NPFFR1: variants seen among roughly 807,000 people sequenced by gnomAD.
NPFFR1 encodes G-protein coupled receptor 147.
A neutral mutation model predicts 12.7 loss-of-function variants in NPFFR1; 17 were observed. That is an observed-to-expected ratio of 1.34 (90% CI 0.92 to 2.01). NPFFR1 has a LOEUF of 2.01. Ranked by LOEUF, NPFFR1 falls within the 30% of genes most tolerant of loss-of-function variation. NPFFR1 has a pLI of 0.00. For synonymous variants in NPFFR1, 296 were observed against 264.5 expected (o/e 1.12, Z -1.16); for missense variants, 604 against 606.5 (o/e 1.00, Z 0.04).
In NPFFR1 at chr10:70,255,613, G is replaced by A; in HGVS notation, c.637C>T (p.Arg213Cys). The change falls in exon 4 of 4, where the codon CGC (arginine) becomes TGC (cysteine). Residue 213 changes from arginine to cysteine, a missense_variant. Coordinates refer to ENST00000277942, the MANE Select transcript of NPFFR1 (RefSeq NM_022146.5). This position sits in a 1 kb window ranked among gnomAD's most constrained non-coding sequence, Gnocchi z 4.2. ...CWEAWPEKGM[R>C]RVYTTVLFSH... Reference sequence around the variant, plus strand: ...AAGAGCACAGTGGTGTAGACCCTGCGCATGCCCTTCTCGGGCCAGGCCTCC... The same window carrying A: ...AAGAGCACAGTGGTGTAGACCCTGCACATGCCCTTCTCGGGCCAGGCCTCC... The A allele has an allele frequency of 6.4e-7, 1 of 1,566,916 alleles. No homozygotes were observed. The highest frequency in any genetic ancestry group is 8.6e-7 in the Non-Finnish European group (1 of 1,156,134).
At chr10:70,277,706 AGCT>A (rs1304694628) in intron 1 of NPFFR1, among the ~76,000 whole-genome samples, 4 of 151,528 alleles carry the variant, frequency 2.6e-5, no homozygotes, top group African/African-American at 4.8e-5. Flanking sequence ...ATGGGTAGGC[AGCT>A]GTGGAGGCCC....
chr10:70,250,549 G>A lies in NPFFR1; in HGVS notation c.*4408C>T, dbSNP rs1449942767. The A allele has an allele frequency of 2.0e-5, 3 of 152,198 alleles. No individual in the cohort carries two copies. The East Asian group carries it at 5.8e-4, about 29-fold the overall frequency. 9.4% of individuals were successfully genotyped at this position (152,198 alleles called of 1,614,324 possible). A position where few individuals can be genotyped will look rare whatever the true frequency, so the allele number is the denominator to read the frequency against. ...CAAAATGTGATCTATTCATACAGTG[G>A]AATAGTACTCAGCAATCAAAAGGAA... On this transcript the variant is annotated 3_prime_UTR_variant, in exon 4 of 4. Coordinates refer to ENST00000277942, the MANE Select transcript of NPFFR1 (RefSeq NM_022146.5).
Position 70,266,327 on chromosome 10 carries a change from G to A in NPFFR1, c.72C>T (p.Ala24=), listed in dbSNP as rs760725397. 2 of 1,613,712 alleles carry A rather than the reference G, an allele frequency of 1.2e-6. No individual in the cohort carries two copies. Among genetic ancestry groups the A allele is most frequent in the South Asian group, 1.1e-5 (1 of 90,986 alleles). The change falls in exon 2 of 4, where the codon GCC becomes GCT. Residue 24 remains alanine, a synonymous_variant. Transcript: ENST00000277942. The stretch of plus-strand genomic sequence containing the variant: ...AGAAGGTGAGGTTTGTAGCCGGGGT[G>A]GCCTCAGTGTTAGTCCCATTCTGAC... ...PLSQNGTNTE[A]TPATNLTFSS...
At chr10:70,257,117 C>T (rs144976875) in intron 3 of NPFFR1, among the ~76,000 whole-genome samples, 1 of 152,110 alleles carries the variant, frequency 6.6e-6, no homozygotes, top group South Asian at 2.1e-4. Context: ...AAAAATTAAC[C>T]AGATGAGGGG....
At chr10:70,257,622 C>T (rs955938557) in intron 3 of NPFFR1, among the ~76,000 whole-genome samples, 2 of 152,180 alleles carry the variant, frequency 1.3e-5, no homozygotes, top group Admixed American at 6.5e-5. Context: ...ACCTGACCGT[C>T]CCCCAGCCCA....
chr10:70,259,543 A>C lies in NPFFR1; in HGVS notation c.422+1097T>G, dbSNP rs150573404. Among the ~76,000 whole-genome samples the C allele has an allele frequency of 5.5e-3, 834 of 152,246 alleles. 11 individuals are homozygous for C. The highest frequency in any genetic ancestry group is 0.019 in the African/African-American group (788 of 41,536). On this transcript the variant is annotated intron_variant, in intron 3 of 3. Transcript: ENST00000277942. ...CGATGAAGGGAAGGGACTTCTCCTG[A>C]TCACCCAGCTAGTTAGTGGCCTTGT... is the stretch of plus-strand genomic sequence containing the variant.
chr10:70,277,198 C>T (rs1348725754), intron 1 of NPFFR1, among the ~76,000 whole-genome samples: 2 of 152,232 alleles, frequency 1.3e-5, no homozygotes, highest in African/African-American at 4.8e-5. Context: ...CCATTCTTCC[C>T]TCCCAGTAAG....
At chr10:70,272,072 G>A (rs1589914715) in intron 1 of NPFFR1, among the ~76,000 whole-genome samples, 2 of 150,752 alleles carry the variant, frequency 1.3e-5, no homozygotes, top group Admixed American at 6.6e-5. Flanking sequence ...AGCTGAGATC[G>A]TGCCACCGCA....
intron 1 of NPFFR1, among the ~76,000 whole-genome samples, chr10:70,274,492 CTT>C (rs1381113972): frequency 4.6e-5 from 7 of 152,082 alleles, no homozygotes; most frequent in Admixed American, 2.6e-4. Context: ...GGCTGGGAAA[CTT>C]GGTTTGGAGG....
chr10:70,273,115 A>C (rs1413941782), intron 1 of NPFFR1, among the ~76,000 whole-genome samples: 1 of 152,092 alleles, frequency 6.6e-6, no homozygotes, highest in Non-Finnish European at 1.5e-5. Flanking sequence ...CTTGGCCCTG[A>C]CTCATATCAA....
rs1246250640 is a variant in NPFFR1, at chr10:70,250,305, G to A, written c.*4652C>T. The A allele has an allele frequency of 3.3e-5, 5 of 152,176 alleles. No homozygotes were observed. Among genetic ancestry groups the A allele is most frequent in the Non-Finnish European group, 5.9e-5 (4 of 68,038 alleles). 9.4% of individuals were successfully genotyped at this position (152,176 alleles called of 1,614,324 possible). ...CTGCTGATGGGAGTACAAAATGGTA[G>A]AGCGACTTTGGAAAGCACTTTGGCA... is the stretch of plus-strand genomic sequence containing the variant. On this transcript the variant is annotated 3_prime_UTR_variant, in exon 4 of 4. Coordinates refer to ENST00000277942, the MANE Select transcript of NPFFR1 (RefSeq NM_022146.5).
At chr10:70,261,397 G>T (rs990122339) in intron 2 of NPFFR1, among the ~76,000 whole-genome samples, 1 of 152,064 alleles carries the variant, frequency 6.6e-6, no homozygotes, top group Non-Finnish European at 1.5e-5. Flanking sequence ...AAATTACCCA[G>T]TCTCAAGTAT....
At chr10:70,278,468 C>T (rs902642548) in intron 1 of NPFFR1, among the ~76,000 whole-genome samples, 1 of 152,148 alleles carries the variant, frequency 6.6e-6, no homozygotes, top group Admixed American at 6.5e-5. Flanking sequence ...GTTGAGATAA[C>T]CTTAAATCTT....
chr10:70,276,304 G>C (rs192362941), intron 1 of NPFFR1, among the ~76,000 whole-genome samples: 1 of 152,034 alleles, frequency 6.6e-6, no homozygotes, highest in Non-Finnish European at 1.5e-5. Flanking sequence ...ACCTCCTAAC[G>C]AGGCATCACT....
Position 70,269,116 on chromosome 10 carries a change from G to A in NPFFR1, c.8-2725C>T, listed in dbSNP as rs140242214. Reference sequence around the variant, plus strand: ...GCTCCCTCATGATGTCATTTTACATGTTCTGCTCTCTGTTCCCTGTATTAC... The same window carrying A: ...GCTCCCTCATGATGTCATTTTACATATTCTGCTCTCTGTTCCCTGTATTAC... On this transcript the variant is annotated intron_variant, in intron 1 of 3. Transcript: ENST00000277942. Among the ~76,000 whole-genome samples the A allele has an allele frequency of 5.2e-3, 798 of 152,230 alleles. 10 individuals are homozygous for A. The highest frequency in any genetic ancestry group is 0.018 in the African/African-American group (753 of 41,532).
chr10:70,282,730 G>A (rs945176558), intron 1 of NPFFR1, among the ~76,000 whole-genome samples: 7 of 152,132 alleles, frequency 4.6e-5, no homozygotes, highest in African/African-American at 1.7e-4. Context: ...GGCACAGAAA[G>A]GTTTAGGCAC....
At chr10:70,277,128 A>G (rs748625596) in intron 1 of NPFFR1, among the ~76,000 whole-genome samples, 3 of 152,214 alleles carry the variant, frequency 2.0e-5, no homozygotes, top group Non-Finnish European at 4.4e-5. Flanking sequence ...CATGGTCCCA[A>G]TGAGAACCAG....
At position 70,283,942 on chromosome 10, in the gene NPFFR1, C is replaced by T. The variant is rs1031957473; in HGVS notation, c.-266G>A. 6.6e-6 allele frequency among the ~76,000 whole-genome samples: 1 copy of T among 152,160 alleles called. No individual in the cohort carries two copies. The highest frequency in any genetic ancestry group is 1.5e-5 in the Non-Finnish European group (1 of 68,002). On this transcript the variant is annotated 5_prime_UTR_variant, in exon 1 of 4. Transcript: ENST00000277942. ...CAGGGCTCAGCCGCCCGCCGCCCCT[C>T]GCCTCCCGACCAGGGGAAGGAGGGG...
At position 70,250,802 on chromosome 10, in the gene NPFFR1, C is replaced by A. The variant is rs916694138; in HGVS notation, c.*4155G>T. On this transcript the variant is annotated 3_prime_UTR_variant, in exon 4 of 4. Coordinates refer to ENST00000277942, the MANE Select transcript of NPFFR1 (RefSeq NM_022146.5). ...AGTGTGGTAGGGACATAACTATATA[C>A]AACTGTTAAAACTCGTCAAGCAGTA... 6.6e-6 allele frequency: 1 copy of A among 152,174 alleles called. No homozygotes were observed. The highest frequency in any genetic ancestry group is 2.1e-4 in the South Asian group (1 of 4,828). The allele number at this position is 152,174 out of a possible 1,614,324, so 9.4% of individuals were successfully genotyped here.
Sources: gnomAD v4.1 joint callset for allele counts (sites outside exome capture counted in the v4.1 genomes callset) on GRCh38, gnomAD v4.1.1 for gene constraint, Gnocchi (gnomAD v3.1) non-coding constraint, MANE v1.5 for transcripts, NCBI Gene and HGNC (gene_info 2026-07-23, HGNC 2026-07-21) for gene names.